SNX29: variants seen among roughly 807,000 people sequenced by gnomAD.
The protein encoded by SNX29 is sorting nexin 29.
SNX29 carries 78 observed loss-of-function variants against 102.1 expected under a neutral mutation model. The ratio of observed to expected loss-of-function variants is 0.76; its 90% CI spans 0.64 to 0.92. The LOEUF is 0.92. Among genes scored for constraint, SNX29 ranks in the 40% least tolerant of loss-of-function variants. The pLI, the probability that SNX29 is intolerant of heterozygous loss-of-function variation, is 0.00. For synonymous variants in SNX29, 580 were observed against 414.5 expected (o/e 1.40, Z -4.85); for missense variants, 1,280 against 1,061.7 (o/e 1.21, Z -2.86).
intron 14 of SNX29, among the ~76,000 whole-genome samples, chr16:12,242,245 T>C (rs926901227): frequency 3.3e-5 from 5 of 151,992 alleles, no homozygotes; most frequent in African/African-American, 1.2e-4. Context: ...CCAACTTGTT[T>C]GACTTCTTGG....
intron 11 of SNX29, among the ~76,000 whole-genome samples, chr16:12,120,066 GAGAAAC>G (rs2053908870): frequency 6.6e-6 from 1 of 152,142 alleles, no homozygotes; most frequent in Non-Finnish European, 1.5e-5. Context: ...TGGCAGGAGA[GAGAAAC>G]AGAACGAAAA....
intron 11 of SNX29, among the ~76,000 whole-genome samples, chr16:12,083,094 CAGG>C (rs1275223792): frequency 6.6e-6 from 1 of 151,996 alleles, no homozygotes; most frequent in Non-Finnish European, 1.5e-5. Context: ...CACTTGAGGT[CAGG>C]AGTTCAAAAC....
At chr16:12,097,021 T>C (rs2151426817) in intron 11 of SNX29, among the ~76,000 whole-genome samples, 1 of 152,226 alleles carries the variant, frequency 6.6e-6, no homozygotes, top group East Asian at 1.9e-4. Context: ...CCCTGCAGTG[T>C]GCAAAGGGGG....
intron 14 of SNX29, among the ~76,000 whole-genome samples, chr16:12,251,837 G>C (rs1185987070): frequency 6.6e-6 from 1 of 151,950 alleles, no homozygotes; most frequent in Non-Finnish European, 1.5e-5. Context: ...ACGGCTCACT[G>C]CAGCCTCGAG....
chr16:12,566,522 A>C (rs1422228187), intron 20 of SNX29, among the ~76,000 whole-genome samples: 1 of 152,200 alleles, frequency 6.6e-6, no homozygotes, highest in East Asian at 1.9e-4. Flanking sequence ...CAGACCCCGC[A>C]TCTGAAGAGC....
chr16:12,567,911 C>T (rs571799360), intron 20 of SNX29, among the ~76,000 whole-genome samples: 10 of 152,262 alleles, frequency 6.6e-5, no homozygotes, highest in African/African-American at 2.4e-4. Context: ...TGCCCTGGGA[C>T]CCACACACGC....
intron 11 of SNX29, among the ~76,000 whole-genome samples, chr16:12,102,518 T>G (rs1229905333): frequency 6.6e-6 from 1 of 152,246 alleles, no homozygotes; most frequent in Non-Finnish European, 1.5e-5. Context: ...TAATGGCCAG[T>G]GATGATGAGC....
intron 20 of SNX29, among the ~76,000 whole-genome samples, chr16:12,537,341 C>T (rs1199690438): frequency 3.3e-5 from 5 of 152,194 alleles, no homozygotes; most frequent in African/African-American, 7.2e-5. Flanking sequence ...TAGTAAATTC[C>T]TACAGGAGCT....
At chr16:12,357,791 C>G (rs891809514) in intron 16 of SNX29, among the ~76,000 whole-genome samples, 10 of 152,190 alleles carry the variant, frequency 6.6e-5, no homozygotes, top group Non-Finnish European at 1.5e-4. Context: ...AGAGTCTTCT[C>G]TCATCTCTCT....
rs187020208 is a variant in SNX29, at chr16:12,426,999, G to A, written c.2037+23470G>A. On this transcript the variant is annotated intron_variant, in intron 18 of 20. Coordinates refer to ENST00000566228, the MANE Select transcript of SNX29 (RefSeq NM_032167.5). ...TAGATCTAATATGTCAGCTTGGAAA[G>A]CTATTTATTATATATGCCAGAATGG... Among the ~76,000 whole-genome samples, 19 of 152,292 alleles carry A rather than the reference G, an allele frequency of 1.2e-4. No individual in the cohort carries two copies. In the East Asian group the frequency reaches 3.7e-3, roughly 29 times the overall value.
intron 11 of SNX29, among the ~76,000 whole-genome samples, chr16:12,107,167 C>T (rs2053289102): frequency 6.6e-6 from 1 of 152,060 alleles, no homozygotes; most frequent in Non-Finnish European, 1.5e-5. Context: ...GTTAAACGGC[C>T]ACAGCTGCAA....
intron 20 of SNX29, among the ~76,000 whole-genome samples, chr16:12,558,599 C>T (rs373657249): frequency 1.7e-3 from 264 of 152,324 alleles, no homozygotes; most frequent in African/African-American, 5.9e-3. Context: ...CACTCTCTGC[C>T]ACAGCTGCTC....
rs1042261009 is a variant in SNX29 at position 12,572,222 on chromosome 16, C to T, written c.*3593C>T. On this transcript the variant is annotated 3_prime_UTR_variant, in exon 21 of 21. Coordinates refer to ENST00000566228, the MANE Select transcript of SNX29 (RefSeq NM_032167.5). ...TATTGTGCTTTAAAAACCAGAGGCT[C>T]CTGAAAGTCGTTTACACCAGGTGGA... is the stretch of plus-strand genomic sequence containing the variant. 1.2e-5 allele frequency: 12 copies of T among 1,011,428 alleles called. No individual in the cohort carries two copies. In the East Asian group the frequency reaches 3.1e-4, roughly 26 times the overall value. 62.7% of individuals were successfully genotyped at this position (1,011,428 alleles called of 1,614,324 possible).
At chr16:12,516,313 C>G (rs2089861628) in intron 19 of SNX29, among the ~76,000 whole-genome samples, 1 of 151,976 alleles carries the variant, frequency 6.6e-6, no homozygotes, top group African/African-American at 2.4e-5. Flanking sequence ...GACCCCGTCT[C>G]TACAAAAACT....
intron 20 of SNX29, among the ~76,000 whole-genome samples, chr16:12,567,069 C>A (rs748799744): frequency 1.3e-5 from 2 of 152,244 alleles, no homozygotes; most frequent in South Asian, 4.1e-4. Context: ...TTTCAGGGAA[C>A]CCTGCAGGGA....
intron 18 of SNX29, among the ~76,000 whole-genome samples, chr16:12,438,934 G>A (rs775032608): frequency 6.6e-5 from 10 of 152,182 alleles, no homozygotes; most frequent in Non-Finnish European, 1.3e-4. Context: ...CAGGGAAGGG[G>A]GAGAATGATG....
intron 20 of SNX29, among the ~76,000 whole-genome samples, chr16:12,548,990 G>C (rs904377385): frequency 6.6e-6 from 1 of 152,200 alleles, no homozygotes; most frequent in African/African-American, 2.4e-5. Context: ...CTGCTCTCCC[G>C]TGCTTTGGGT....
rs1479583864 is a variant in SNX29 at position 12,569,646 on chromosome 16, C to T, written c.*1017C>T. 1 of 228,158 alleles carries T rather than the reference C, an allele frequency of 4.4e-6. No individual in the cohort carries two copies. Among genetic ancestry groups the T allele is most frequent in the South Asian group, 1.8e-4 (1 of 5,496 alleles). The allele number at this position is 228,158 out of a possible 1,614,324, so 14.1% of individuals were successfully genotyped here. On this transcript the variant is annotated 3_prime_UTR_variant, in exon 21 of 21. Transcript: ENST00000566228. ...ACTCTGCATCCCCTAAGACAGAGTC[C>T]TCTGTTCCTCCCATGTCAGGTGGCT...
chr16:12,400,603 G>C (rs934513276), intron 17 of SNX29, among the ~76,000 whole-genome samples: 1 of 152,130 alleles, frequency 6.6e-6, no homozygotes, highest in Admixed American at 6.5e-5. Flanking sequence ...AGCCTTCTCT[G>C]GTGTCCCAGA....
Sources: gnomAD v4.1 joint callset for allele counts (sites outside exome capture counted in the v4.1 genomes callset) on GRCh38, gnomAD v4.1.1 for gene constraint, MANE v1.5 for transcripts, NCBI Gene and HGNC (gene_info 2026-07-23, HGNC 2026-07-21) for gene names.